TPRG1: variants seen among roughly 807,000 people sequenced by gnomAD.
TPRG1 encodes the protein tumor protein p63-regulated gene 1 protein.
Under a neutral mutation model 29.3 loss-of-function variants are expected in TPRG1, and 29 were observed. The ratio of observed to expected loss-of-function variants is 0.99; its 90% CI spans 0.74 to 1.35. The LOEUF (loss-of-function observed/expected upper bound fraction) is 1.35, where lower values mean the gene tolerates loss of function less well. Among genes scored for constraint, TPRG1 ranks in the 40% most tolerant of loss-of-function variants. The probability of loss-of-function intolerance (pLI) is 0.00; values close to 1 mark genes in which losing one functional copy is unlikely to be tolerated. For missense variants in TPRG1, 327 were observed against 335.0 expected, an observed-to-expected ratio of 0.98 and a Z score of 0.19; for synonymous variants, 130 against 116.8, an observed-to-expected ratio of 1.11 and a Z score of -0.73.
At chr3:188,997,365 T>C (rs1711871505) in intron 1 of TPRG1, among the ~76,000 whole-genome samples, 1 of 152,192 alleles carries the variant, frequency 6.6e-6, no homozygotes, top group Non-Finnish European at 1.5e-5. Context: ...AATCGCTGGC[T>C]CCATCAGATG....
chr3:189,089,164 A>G (rs1718173665), intron 4 of TPRG1, among the ~76,000 whole-genome samples: 1 of 152,182 alleles, frequency 6.6e-6, no homozygotes, highest in Admixed American at 6.5e-5. Flanking sequence ...CTGTTACAGA[A>G]TCAAATGGGA....
chr3:189,060,807 A>T (rs1340228277), intron 4 of TPRG1, among the ~76,000 whole-genome samples: 2 of 152,188 alleles, frequency 1.3e-5, no homozygotes, highest in Non-Finnish European at 2.9e-5. Flanking sequence ...ACACAAACAT[A>T]TGGAAAATCA....
At chr3:189,246,347 GCAGTATAAAA>G (rs2108981671) in intron 4 of TPRG1, among the ~76,000 whole-genome samples, 1 of 152,166 alleles carries the variant, frequency 6.6e-6, no homozygotes, top group South Asian at 2.1e-4. Context: ...TTTCTTCATA[GCAGTATAAAA>G]AGGGAGTAAT....
chr3:189,080,834 G>C (rs1302743012), intron 4 of TPRG1, among the ~76,000 whole-genome samples: 1 of 151,908 alleles, frequency 6.6e-6, no homozygotes, highest in Admixed American at 6.6e-5. Flanking sequence ...TCATGATCTG[G>C]TATGCTAGTG....
intron 3 of TPRG1, among the ~76,000 whole-genome samples, chr3:189,220,478 G>C (rs1736771763): frequency 6.6e-6 from 1 of 152,132 alleles, no homozygotes; most frequent in African/African-American, 2.4e-5. Flanking sequence ...GTGCAGGTTT[G>C]TTACAGAGGT....
intron 3 of TPRG1, chr3:189,217,773 C>T: frequency 2.1e-6 from 2 of 958,226 alleles, no homozygotes; most frequent in Non-Finnish European, 2.5e-6. Context: ...ACTTTTCAAG[C>T]AGAAAAATAA....
At position 189,028,861 on chromosome 3, in the gene TPRG1, T is replaced by C. The variant is rs181328647; in HGVS notation, c.-463+4915T>C. 2.0e-5 allele frequency among the ~76,000 whole-genome samples: 3 copies of C among 152,168 alleles called. 1 individual carries two copies. The highest frequency in any genetic ancestry group is 7.2e-5 in the African/African-American group (3 of 41,528). On this transcript the variant is annotated intron_variant, in intron 4 of 10. Coordinates refer to the TPRG1 transcript ENST00000433971. ...ATCATAGCCCCTGCCCTCCAGTAGGTGAGGCTGACAAATGTATGACTACAG... is the reference window on the plus strand; with the variant it reads ...ATCATAGCCCCTGCCCTCCAGTAGGCGAGGCTGACAAATGTATGACTACAG...
intron 4 of TPRG1, among the ~76,000 whole-genome samples, chr3:189,027,475 A>G (rs564314792): frequency 6.6e-6 from 1 of 152,366 alleles, no homozygotes; most frequent in East Asian, 1.9e-4. Context: ...GACTGTAATG[A>G]ACCAAAACAC....
chr3:189,300,644 A>T (rs1266733937), intron 4 of TPRG1, among the ~76,000 whole-genome samples: 1 of 152,202 alleles, frequency 6.6e-6, no homozygotes, highest in African/African-American at 2.4e-5. Context: ...AGGAAGAAGA[A>T]CCAGAGCTAG....
At chr3:188,997,234 T>C (rs1472242164) in intron 1 of TPRG1, among the ~76,000 whole-genome samples, 1 of 152,058 alleles carries the variant, frequency 6.6e-6, no homozygotes, top group Non-Finnish European at 1.5e-5. Flanking sequence ...TCTCCCTCCT[T>C]CTATGCATTT....
chr3:189,162,760 C>T (rs903015118), intron 5 of TPRG1, among the ~76,000 whole-genome samples: 4 of 152,086 alleles, frequency 2.6e-5, no homozygotes, highest in Non-Finnish European at 4.4e-5. Flanking sequence ...ATAAGATACA[C>T]GTGGGGAAAT....
At chr3:189,079,234 C>A (rs183063222) in intron 4 of TPRG1, among the ~76,000 whole-genome samples, 2 of 152,270 alleles carry the variant, frequency 1.3e-5, no homozygotes, top group Non-Finnish European at 2.9e-5. Flanking sequence ...AGTAGGGAGG[C>A]AAGCCATTCA....
At chr3:189,169,786 C>T (rs1728591367), upstream of TPRG1, among the ~76,000 whole-genome samples, 1 of 152,212 alleles carries the variant, frequency 6.6e-6, no homozygotes, top group Non-Finnish European at 1.5e-5. Flanking sequence ...TACTGTAACT[C>T]CCATTGCACG....
intron 4 of TPRG1, among the ~76,000 whole-genome samples, chr3:189,271,994 C>A (rs917752687): frequency 1.3e-5 from 2 of 152,182 alleles, no homozygotes; most frequent in African/African-American, 4.8e-5. Flanking sequence ...GTGCACTCTG[C>A]CTTTCCTATA....
At chr3:189,272,218 T>C (rs532262406) in intron 4 of TPRG1, among the ~76,000 whole-genome samples, 1 of 152,348 alleles carries the variant, frequency 6.6e-6, no homozygotes, top group Admixed American at 6.5e-5. Context: ...TATTATTATA[T>C]TTGGGATCTG....
intron 3 of TPRG1, among the ~76,000 whole-genome samples, chr3:189,023,199 A>T (rs1394256290): frequency 6.6e-6 from 1 of 152,114 alleles, no homozygotes; most frequent in Non-Finnish European, 1.5e-5. Context: ...TGCGTCGCTC[A>T]CGCTGGGAGC....
At chr3:189,098,358 T>C (rs1334951016), upstream of TPRG1, among the ~76,000 whole-genome samples, 5 of 152,178 alleles carry the variant, frequency 3.3e-5, no homozygotes, top group African/African-American at 7.2e-5. Context: ...TGTCATCTGC[T>C]AGAAAGGCTG....
intron 1 of TPRG1, among the ~76,000 whole-genome samples, chr3:189,107,166 C>G (rs930142279): frequency 6.6e-6 from 1 of 151,962 alleles, no homozygotes; most frequent in East Asian, 1.9e-4. Flanking sequence ...TCCTGCAATA[C>G]CCTGACTTTT....
intron 1 of TPRG1, among the ~76,000 whole-genome samples, chr3:189,102,131 G>C (rs1193028621): frequency 2.0e-5 from 3 of 152,004 alleles, no homozygotes; most frequent in Non-Finnish European, 4.4e-5. Context: ...CAAATGTCCT[G>C]CTCATGTGCT....
Sources: allele counts gnomAD v4.1 joint callset (sites outside exome capture counted in the v4.1 genomes callset), GRCh38; gene constraint gnomAD v4.1.1; transcripts MANE v1.5; gene names NCBI Gene and HGNC (gene_info 2026-07-23, HGNC 2026-07-21).